PRKN: variants seen among roughly 807,000 people sequenced by gnomAD.
PRKN encodes parkin RBR E3 ubiquitin protein ligase, also known as E3 ubiquitin-protein ligase parkin.
PRKN carries 56 observed loss-of-function variants against 59.5 expected under a neutral mutation model. The observed-to-expected ratio is 0.94, with a 90% confidence interval of 0.76 to 1.18. The LOEUF (loss-of-function observed/expected upper bound fraction) is 1.18. Ranked by LOEUF, PRKN falls within the 50% of genes most tolerant of loss-of-function variation. PRKN has a pLI of 0.00. For synonymous variants in PRKN, 250 were observed against 222.1 expected (o/e 1.13, Z -1.12); for missense variants, 657 against 596.4 (o/e 1.10, Z -1.06).
intron 1 of PRKN, among the ~76,000 whole-genome samples, chr6:162,653,656 C>A (rs151135257): frequency 0.011 from 1,645 of 152,064 alleles, 22 homozygotes; most frequent in African/African-American, 0.038. Context: ...TAATTTTTTT[C>A]TGCCTAAGTT....
At chr6:161,946,930 C>T (rs957401956) in intron 6 of PRKN, among the ~76,000 whole-genome samples, 4 of 152,120 alleles carry the variant, frequency 2.6e-5, no homozygotes, top group Non-Finnish European at 2.9e-5. Flanking sequence ...ATGTAAAAAG[C>T]GCGTTGCAAA....
At chr6:162,089,177 T>C (rs538532375) in intron 4 of PRKN, among the ~76,000 whole-genome samples, 2 of 152,172 alleles carry the variant, frequency 1.3e-5, no homozygotes, top group Middle Eastern at 3.4e-3. Context: ...CCAGAATATA[T>C]AAAGAACATT....
intron 6 of PRKN, among the ~76,000 whole-genome samples, chr6:161,790,901 T>G (rs1281495860): frequency 2.6e-5 from 4 of 152,132 alleles, no homozygotes; most frequent in Admixed American, 6.5e-5. Flanking sequence ...TTTGATAATT[T>G]AGACATGAGT....
chr6:162,156,013 T>C (rs1162690810), intron 4 of PRKN, among the ~76,000 whole-genome samples: 1 of 152,140 alleles, frequency 6.6e-6, no homozygotes, highest in Non-Finnish European at 1.5e-5. Context: ...AGGGAAGGAA[T>C]AGTGGAAATG....
At chr6:161,860,760 G>C (rs1001877684) in intron 6 of PRKN, among the ~76,000 whole-genome samples, 3 of 152,148 alleles carry the variant, frequency 2.0e-5, no homozygotes, top group African/African-American at 7.2e-5. Context: ...CCCATCAAAA[G>C]AGGACAAAGG....
chr6:162,303,762 A>G (rs1370087881), intron 2 of PRKN, among the ~76,000 whole-genome samples: 2 of 152,174 alleles, frequency 1.3e-5, no homozygotes, highest in East Asian at 3.9e-4. Flanking sequence ...CTTTTGCTTA[A>G]CAGAGAAGGA....
rs571637624 is a variant in PRKN at position 161,816,829 on chromosome 6, T to C, written c.735-30921A>G. Among the ~76,000 whole-genome samples, 7 of 152,312 alleles carry C rather than the reference T, an allele frequency of 4.6e-5. No homozygotes were observed. The East Asian group carries it at 1.4e-3, about 29-fold the overall frequency. ...TGTCACTATGCTGCATTTGAAAGCA[T>C]GCCCTGTTTCAGATGTCCCAAATGG... On this transcript the variant is annotated intron_variant, in intron 6 of 11. Transcript: ENST00000366898.
intron 6 of PRKN, among the ~76,000 whole-genome samples, chr6:161,959,199 A>C (rs1296254172): frequency 6.6e-6 from 1 of 152,132 alleles, no homozygotes; most frequent in Non-Finnish European, 1.5e-5. Context: ...TACCACCCAG[A>C]TCCCGTTTCA....
chr6:162,240,602 C>T (rs1354861222), intron 3 of PRKN, among the ~76,000 whole-genome samples: 2 of 152,070 alleles, frequency 1.3e-5, no homozygotes, highest in Non-Finnish European at 2.9e-5. Flanking sequence ...ACAATAACAC[C>T]ATGCAAAGTT....
chr6:161,428,138 G>A lies in PRKN; in HGVS notation c.1084-41261C>T, dbSNP rs1303903597. 6.6e-6 allele frequency among the ~76,000 whole-genome samples: 1 copy of A among 152,154 alleles called. No homozygotes were observed. The highest frequency in any genetic ancestry group is 6.5e-5 in the Admixed American group (1 of 15,272). ...GCATCTTCTGGCACTTGCACTGTGG[G>A]GGCCTTCCTCAAAGCCGTGCGCCTC... On this transcript the variant is annotated intron_variant, in intron 9 of 11. Transcript: ENST00000366898. The surrounding 1 kb of genome is among the most constrained non-coding windows in gnomAD (Gnocchi z 4.0).
At chr6:161,828,223 A>G (rs1210397731) in intron 6 of PRKN, among the ~76,000 whole-genome samples, 1 of 152,210 alleles carries the variant, frequency 6.6e-6, no homozygotes, top group East Asian at 1.9e-4. Flanking sequence ...AAGAATTCAA[A>G]ATTTAGTCAA....
At chr6:162,547,856 A>G (rs914237700) in intron 1 of PRKN, among the ~76,000 whole-genome samples, 1 of 152,106 alleles carries the variant, frequency 6.6e-6, no homozygotes, top group Non-Finnish European at 1.5e-5. Context: ...TGCTGGGATT[A>G]TAGGCATGAG....
At chr6:161,707,704 A>T (rs536001937) in intron 7 of PRKN, among the ~76,000 whole-genome samples, 1 of 120,244 alleles carries the variant, frequency 8.3e-6, no homozygotes, top group East Asian at 2.1e-4. Context: ...TTCGATTTTA[A>T]CAAATTTAAT....
At chr6:161,977,757 C>G (rs1781104165) in intron 5 of PRKN, among the ~76,000 whole-genome samples, 1 of 151,118 alleles carries the variant, frequency 6.6e-6, no homozygotes, top group Non-Finnish European at 1.5e-5. Flanking sequence ...CCATGTTAGC[C>G]AGGATGGTCT....
intron 2 of PRKN, among the ~76,000 whole-genome samples, chr6:162,387,187 G>C (rs56986552): frequency 7.8e-6 from 1 of 128,670 alleles, no homozygotes; most frequent in Non-Finnish European, 1.6e-5. Context: ...GTTCATAAAG[G>C]CAACAAGAAT....
intron 4 of PRKN, among the ~76,000 whole-genome samples, chr6:162,143,779 T>C (rs1781885505): frequency 6.6e-6 from 1 of 152,098 alleles, no homozygotes; most frequent in Non-Finnish European, 1.5e-5. Context: ...TGATGAAGCT[T>C]GAATTGAGTC....
intron 1 of PRKN, among the ~76,000 whole-genome samples, chr6:162,558,515 G>C (rs993752114): frequency 2.6e-5 from 4 of 151,996 alleles, no homozygotes; most frequent in Non-Finnish European, 5.9e-5. Flanking sequence ...TTTTAGTAGA[G>C]ATGGGGTTTC....
intron 2 of PRKN, among the ~76,000 whole-genome samples, chr6:162,298,467 T>C (rs1365434425): frequency 6.6e-6 from 1 of 152,110 alleles, no homozygotes; most frequent in East Asian, 1.9e-4. Flanking sequence ...CTGAGGGTAC[T>C]GTTTTCTTCT....
intron 6 of PRKN, among the ~76,000 whole-genome samples, chr6:161,915,838 T>C (rs749045073): frequency 6.6e-6 from 1 of 152,130 alleles, no homozygotes. Flanking sequence ...ATATTTACCA[T>C]TGACAGAGAG....
Sources: allele counts gnomAD v4.1 joint callset (sites outside exome capture counted in the v4.1 genomes callset), GRCh38; gene constraint gnomAD v4.1.1; non-coding constraint Gnocchi (gnomAD v3.1); transcripts MANE v1.5; gene names NCBI Gene and HGNC (gene_info 2026-07-23, HGNC 2026-07-21).